SAMD4A: variants seen among roughly 807,000 people sequenced by gnomAD.
SAMD4A encodes the protein protein Smaug homolog 1.
SAMD4A carries 33 observed loss-of-function variants against 81.3 expected under a neutral mutation model. The observed-to-expected ratio is 0.41, with a 90% confidence interval of 0.31 to 0.54. The LOEUF is 0.54. SAMD4A is among the 20% of genes least tolerant of loss of function. The pLI is 0.37. For synonymous variants in SAMD4A, 389 were observed against 382.1 expected (o/e 1.02, Z -0.21); for missense variants, 854 against 951.1 (o/e 0.90, Z 1.34).
chr14:54,768,331 C>T (rs565651335), intron 8 of SAMD4A, among the ~76,000 whole-genome samples: 1 of 152,196 alleles, frequency 6.6e-6, no homozygotes, highest in Non-Finnish European at 1.5e-5. Context: ...GAGCGAGGCA[C>T]GTTCCAGGTA....
rs143187492 is a variant in SAMD4A at position 54,745,033 on chromosome 14, T to C, written c.980-3782T>C. Reference sequence around the variant, plus strand: ...TCTGTCACTCCCTGCTCTTCCCTGATCTTCAAGTACTGTCAATTTCCATCC... The same window carrying C: ...TCTGTCACTCCCTGCTCTTCCCTGACCTTCAAGTACTGTCAATTTCCATCC... On this transcript the variant is annotated intron_variant, in intron 4 of 12. Coordinates refer to ENST00000554335, the MANE Select transcript of SAMD4A (RefSeq NM_015589.6). Among the ~76,000 whole-genome samples the C allele has an allele frequency of 3.5e-3, 539 of 152,308 alleles. 2 individuals carry two copies. Among genetic ancestry groups the C allele is most frequent in the African/African-American group, 0.013 (524 of 41,566 alleles).
intron 2 of SAMD4A, among the ~76,000 whole-genome samples, chr14:54,579,155 A>C (rs1429890805): frequency 6.6e-6 from 1 of 152,234 alleles, no homozygotes. Context: ...ACACACAAAC[A>C]CTATCTCCTG....
At chr14:54,650,161 A>AT (rs2035373324) in intron 2 of SAMD4A, among the ~76,000 whole-genome samples, 1 of 152,242 alleles carries the variant, frequency 6.6e-6, no homozygotes, top group Non-Finnish European at 1.5e-5. Flanking sequence ...AAGAAATTAA[A>AT]TTGATCAGAC....
intron 5 of SAMD4A, among the ~76,000 whole-genome samples, chr14:54,750,466 C>T (rs1162801047): frequency 6.6e-6 from 1 of 152,188 alleles, no homozygotes; most frequent in East Asian, 1.9e-4. Context: ...TTATCAACAA[C>T]TATTTAAGTA....
intron 11 of SAMD4A, chr14:54,784,140 G>T: frequency 1.8e-6 from 1 of 561,568 alleles, no homozygotes. Context: ...CCGTGAGGTA[G>T]GAGGGGGCCT....
At chr14:54,676,064 G>GA (rs2035986807) in intron 2 of SAMD4A, among the ~76,000 whole-genome samples, 3 of 152,128 alleles carry the variant, frequency 2.0e-5, no homozygotes, top group African/African-American at 7.2e-5. Context: ...TCCAAAAAAA[G>GA]AAAAAGCAAG....
intron 2 of SAMD4A, chr14:54,688,276 G>A (rs867760415): frequency 3.0e-5 from 30 of 985,262 alleles, no homozygotes; most frequent in South Asian, 2.3e-4. Context: ...TTCACCAAAC[G>A]GTTCTCCGGA....
intron 2 of SAMD4A, among the ~76,000 whole-genome samples, chr14:54,634,089 C>T (rs370524095): frequency 1.2e-4 from 18 of 152,038 alleles, no homozygotes; most frequent in African/African-American, 4.1e-4. Context: ...AGTTCGAGAC[C>T]AGCCTGGCCA....
At chr14:54,566,414 A>G (rs556999913), upstream of SAMD4A, among the ~76,000 whole-genome samples, 1 of 151,858 alleles carries the variant, frequency 6.6e-6, no homozygotes, top group South Asian at 2.1e-4. Context: ...GGGAGCCGGA[A>G]GCAGCGTGTT....
chr14:54,639,909 C>T (rs1594762483), intron 2 of SAMD4A, among the ~76,000 whole-genome samples: 1 of 152,088 alleles, frequency 6.6e-6, no homozygotes, highest in African/African-American at 2.4e-5. Flanking sequence ...CTGCCATTGA[C>T]AAACTACTCC....
intron 2 of SAMD4A, among the ~76,000 whole-genome samples, chr14:54,670,205 T>G (rs2035850292): frequency 2.6e-5 from 4 of 152,182 alleles, no homozygotes; most frequent in Admixed American, 6.5e-5. Flanking sequence ...CACCCTCTTG[T>G]AAATCTCTTA....
chr14:54,756,269 T>C (rs1246757023), intron 6 of SAMD4A, among the ~76,000 whole-genome samples: 1 of 152,070 alleles, frequency 6.6e-6, no homozygotes, highest in Non-Finnish European at 1.5e-5. Context: ...AAAAAGAAAC[T>C]CGAGTGAGTC....
intron 12 of SAMD4A, among the ~76,000 whole-genome samples, chr14:54,787,619 G>A (rs776739826): frequency 6.6e-6 from 1 of 152,208 alleles, no homozygotes; most frequent in Non-Finnish European, 1.5e-5. Flanking sequence ...GCAAAGCCAG[G>A]GAGGCACCCC....
At chr14:54,657,331 G>T (rs1330472531) in intron 2 of SAMD4A, among the ~76,000 whole-genome samples, 4 of 152,164 alleles carry the variant, frequency 2.6e-5, no homozygotes, top group African/African-American at 7.2e-5. Context: ...CTACATCGAA[G>T]AATTTTTTCT....
chr14:54,597,970 G>A (rs1242404991), intron 2 of SAMD4A, among the ~76,000 whole-genome samples: 1 of 152,162 alleles, frequency 6.6e-6, no homozygotes, highest in African/African-American at 2.4e-5. Flanking sequence ...CCATAAAGCA[G>A]TTTAGAGAAG....
intron 2 of SAMD4A, among the ~76,000 whole-genome samples, chr14:54,669,362 G>A (rs1424516845): frequency 6.6e-6 from 1 of 151,384 alleles, no homozygotes; most frequent in Non-Finnish European, 1.5e-5. Flanking sequence ...GTTGAAATGT[G>A]TACCGAATGT....
chr14:54,728,346 G>C (rs1326018758), intron 3 of SAMD4A, among the ~76,000 whole-genome samples: 1 of 152,176 alleles, frequency 6.6e-6, no homozygotes, highest in Admixed American at 6.5e-5. Flanking sequence ...AGGTTGTGAT[G>C]GTTTAGAATT....
intron 2 of SAMD4A, among the ~76,000 whole-genome samples, chr14:54,650,492 A>T (rs2035380512): frequency 6.6e-6 from 1 of 152,208 alleles, no homozygotes; most frequent in Admixed American, 6.5e-5. Flanking sequence ...AGCTCCTGCG[A>T]CTGGACTGTG....
chr14:54,616,113 C>T (rs1401079629), intron 2 of SAMD4A, among the ~76,000 whole-genome samples: 1 of 152,190 alleles, frequency 6.6e-6, no homozygotes, highest in Middle Eastern at 3.2e-3. Context: ...ATAGCTTCCT[C>T]TATTTAAGTT....
Sources: gnomAD v4.1 joint callset for allele counts (sites outside exome capture counted in the v4.1 genomes callset) on GRCh38, gnomAD v4.1.1 for gene constraint, MANE v1.5 for transcripts, NCBI Gene and HGNC (gene_info 2026-07-23, HGNC 2026-07-21) for gene names.